MGAM2: variants seen among roughly 807,000 people sequenced by gnomAD.
MGAM2 encodes the protein probable maltase-glucoamylase 2.
Under a neutral mutation model 96.1 loss-of-function variants are expected in MGAM2, and 98 were observed. The observed-to-expected ratio is 1.02, with a 90% CI of 0.87 to 1.21. The LOEUF (loss-of-function observed/expected upper bound fraction) is 1.21, where lower values mean the gene tolerates loss of function less well. Ranked by LOEUF, MGAM2 falls within the 50% of genes most tolerant of loss-of-function variation. MGAM2 has a pLI of 0.00. For missense variants in MGAM2, 2,055 were observed against 1,182.4 expected (o/e 1.74, Z -10.82); for synonymous variants, 749 against 414.8 (o/e 1.81, Z -9.79).
intron 12 of MGAM2, among the ~76,000 whole-genome samples, chr7:142,143,467 A>T (rs76934630): frequency 0.011 from 1,617 of 152,342 alleles, 31 homozygotes; most frequent in African/African-American, 0.035. Flanking sequence ...TAGACTTTCT[A>T]GTATTTTAAA....
Position 142,171,455 on chromosome 7 carries a change from A to T in MGAM2, c.3351+15A>T. 1.4e-6 allele frequency: 1 copy of T among 701,148 alleles called. No individual in the cohort carries two copies. The highest frequency in any genetic ancestry group is 2.6e-6 in the Non-Finnish European group (1 of 383,406). 43.4% of individuals were successfully genotyped at this position (701,148 alleles called of 1,614,324 possible). A position where few individuals can be genotyped will look rare whatever the true frequency, so the allele number is the denominator to read the frequency against. ...AGCCACCTGCGGTAGGGACAAAGGA[A>T]TAAGTTTAGCAATCAGTTTCTCTTT... On this transcript the variant is annotated intron_variant, in intron 28 of 47. Coordinates refer to ENST00000477922, the MANE Select transcript of MGAM2 (RefSeq NM_001293626.2).
At chr7:142,142,160 A>AC (rs1340539290) in intron 12 of MGAM2, among the ~76,000 whole-genome samples, 2 of 2,138 alleles carry the variant, frequency 9.4e-4, no homozygotes, top group African/African-American at 2.3e-3. Context: ...AATTCTATTT[A>AC]CTTTTTTTTC....
intron 3 of MGAM2, among the ~76,000 whole-genome samples, chr7:142,124,359 C>G (rs903945003): frequency 4.6e-5 from 7 of 152,012 alleles, no homozygotes; most frequent in African/African-American, 1.7e-4. Context: ...TTAGTGACAC[C>G]TTTCCTGTAA....
intron 32 of MGAM2, among the ~76,000 whole-genome samples, chr7:142,181,852 T>C (rs1037618632): frequency 6.6e-6 from 1 of 152,172 alleles, no homozygotes; most frequent in Non-Finnish European, 1.5e-5. Flanking sequence ...GCACAGCAAA[T>C]GGCTTTGGGG....
intron 8 of MGAM2, among the ~76,000 whole-genome samples, chr7:142,137,225 A>AC (rs1795084684): frequency 1.3e-5 from 2 of 152,188 alleles, no homozygotes; most frequent in African/African-American, 4.8e-5. Flanking sequence ...TTAAAAAAAA[A>AC]AAAACAAAAC....
At chr7:142,158,781 C>T (rs1795809058) in intron 19 of MGAM2, among the ~76,000 whole-genome samples, 2 of 152,106 alleles carry the variant, frequency 1.3e-5, no homozygotes, top group Admixed American at 6.6e-5. Flanking sequence ...TATGAAGGAC[C>T]ATGTGTATCC....
intron 42 of MGAM2, 34 bp from the exon 43 acceptor site, chr7:142,198,101 TGAAA>T: frequency 1.4e-6 from 1 of 695,196 alleles, no homozygotes. Flanking sequence ...AAATATTTTT[TGAAA>T]TATTCATAAT....
rs745645117 is a variant in MGAM2, at chr7:142,218,353, C to A, written c.5188-8C>A. On this transcript the variant is annotated splice_region_variant and splice_polypyrimidine_tract_variant and intron_variant, in intron 46 of 47. Coordinates refer to ENST00000477922, the MANE Select transcript of MGAM2 (RefSeq NM_001293626.2). ...ATGTATTCTTTTCTCTTTATAAATTCTTTATAGAACATCCTGCAAATCCAG... is the reference window on the plus strand; with the variant it reads ...ATGTATTCTTTTCTCTTTATAAATTATTTATAGAACATCCTGCAAATCCAG... 12 of 675,386 alleles carry A rather than the reference C, an allele frequency of 1.8e-5. No individual in the cohort carries two copies. The South Asian group carries it at 1.8e-4, about 10-fold the overall frequency. 41.8% of individuals were successfully genotyped at this position (675,386 alleles called of 1,614,324 possible).
In MGAM2 at chr7:142,172,265, A is replaced by G. The variant is rs73158453; in HGVS notation, c.3448+71A>G. On this transcript the variant is annotated intron_variant, in intron 29 of 47. Coordinates refer to ENST00000477922, the MANE Select transcript of MGAM2 (RefSeq NM_001293626.2). Reference sequence around the variant, plus strand: ...ACCGCTCTATTTTGACCTGGTATCAATAGAAATAGAGACATTCAGGGGGCA... The same window carrying G: ...ACCGCTCTATTTTGACCTGGTATCAGTAGAAATAGAGACATTCAGGGGGCA... 2,450 of 634,178 alleles carry G rather than the reference A, an allele frequency of 3.9e-3. 13 individuals are homozygous for G. Among genetic ancestry groups the G allele is most frequent in the Non-Finnish European group, 6.1e-3 (2,105 of 346,996 alleles). 39.3% of individuals were successfully genotyped at this position (634,178 alleles called of 1,614,324 possible).
chr7:142,206,064 T>C (rs748450850), intron 45 of MGAM2, among the ~76,000 whole-genome samples: 1 of 152,158 alleles, frequency 6.6e-6, no homozygotes, highest in Non-Finnish European at 1.5e-5. Flanking sequence ...CATTGAATTA[T>C]TTTGGAATTT....
intron 7 of MGAM2, 43 bp downstream of exon 7, chr7:142,134,195 A>G: frequency 1.5e-6 from 1 of 688,014 alleles, no homozygotes; most frequent in Non-Finnish European, 2.7e-6. Flanking sequence ...AGTAAGGGAT[A>G]CCCTCCTTCC....
rs2129100110 is a variant in MGAM2 at position 142,196,870 on chromosome 7, T to C, written c.4632+54T>C. On this transcript the variant is annotated intron_variant, in intron 40 of 47. Transcript: ENST00000477922. ...TGTGTACCCTCAAATCATAACTTCT[T>C]TTTAACCCCCAGGACTATTATACTC... is the stretch of plus-strand genomic sequence containing the variant. The C allele has an allele frequency of 4.2e-6, 3 of 720,734 alleles. No homozygotes were observed. The East Asian group carries it at 7.7e-5, about 19-fold the overall frequency. 44.6% of individuals were successfully genotyped at this position (720,734 alleles called of 1,614,324 possible). A position where few individuals can be genotyped will look rare whatever the true frequency, so the allele number is the denominator to read the frequency against.
chr7:142,167,174 A>G (rs1052856892), intron 25 of MGAM2, 94 bp from the exon 26 acceptor site: 4 of 606,396 alleles, frequency 6.6e-6, no homozygotes, highest in African/African-American at 5.5e-5. Context: ...TGGACATGGT[A>G]TTAGAGACTT....
intron 37 of MGAM2, among the ~76,000 whole-genome samples, chr7:142,191,030 G>C (rs1371514406): frequency 2.0e-5 from 3 of 152,040 alleles, no homozygotes; most frequent in African/African-American, 7.2e-5. Flanking sequence ...AGCTACTCGA[G>C]AGGCTAAGGT....
At chr7:142,185,293 G>C (rs1265619987) in intron 34 of MGAM2, among the ~76,000 whole-genome samples, 154 bp downstream of exon 34, 2 of 152,268 alleles carry the variant, frequency 1.3e-5, no homozygotes, top group East Asian at 3.9e-4. Context: ...AGAGATCCTC[G>C]AGTGGAAAGC....
chr7:142,200,737 A>G (rs552441512), intron 45 of MGAM2, among the ~76,000 whole-genome samples: 1 of 152,290 alleles, frequency 6.6e-6, no homozygotes, highest in Non-Finnish European at 1.5e-5. Context: ...TTCCTTCATT[A>G]TAAAGATAAG....
At chr7:142,178,300 T>C (rs1465031994) in intron 32 of MGAM2, among the ~76,000 whole-genome samples, 2 of 152,120 alleles carry the variant, frequency 1.3e-5, no homozygotes, top group African/African-American at 4.8e-5. Context: ...TCCTCCCATT[T>C]GGTAGGTTGT....
intron 15 of MGAM2, 77 bp downstream of exon 15, chr7:142,147,650 T>C (rs1795428400): frequency 1.5e-5 from 9 of 597,950 alleles, no homozygotes; most frequent in Non-Finnish European, 2.4e-5. Context: ...TTCTGTTCTA[T>C]ATGTAATATA....
In MGAM2 at chr7:142,183,199, T is replaced by G; in HGVS notation, c.3817-67T>G. The G allele has an allele frequency of 6.0e-6, 4 of 663,770 alleles. No homozygotes were observed. The South Asian group carries it at 6.7e-5, about 11-fold the overall frequency. 41.1% of individuals were successfully genotyped at this position (663,770 alleles called of 1,614,324 possible). On this transcript the variant is annotated intron_variant, in intron 32 of 47. Transcript: ENST00000477922. ...TCCTTCTGCACTATGAACTACTAAA[T>G]TTTTGGAGAGAAATTTTCTTAGAGA...
Sources: gnomAD v4.1 joint callset for allele counts (sites outside exome capture counted in the v4.1 genomes callset) on GRCh38, gnomAD v4.1.1 for gene constraint, MANE v1.5 for transcripts, NCBI Gene and HGNC (gene_info 2026-07-23, HGNC 2026-07-21) for gene names.